The following GALNT13 variants were observed in gnomAD, a reference collection of about 807,000 sequenced individuals.
GALNT13 encodes the protein polypeptide N-acetylgalactosaminyltransferase 13.
GALNT13 carries 28 observed loss-of-function variants against 64.2 expected under a neutral mutation model. The observed-to-expected ratio is 0.44, with a 90% confidence interval of 0.32 to 0.60. The LOEUF is 0.60. Ranked by LOEUF, GALNT13 falls within the 20% of genes least tolerant of loss-of-function variation. GALNT13 has a pLI of 0.05. For missense variants in GALNT13, 577 were observed against 669.8 expected, an observed-to-expected ratio of 0.86 and a Z score of 1.53; for synonymous variants, 214 against 224.6, an observed-to-expected ratio of 0.95 and a Z score of 0.42.
At chr2:154,192,514 A>G (rs1403658941) in intron 4 of GALNT13, among the ~76,000 whole-genome samples, 1 of 148,288 alleles carries the variant, frequency 6.7e-6, no homozygotes, top group Admixed American at 6.6e-5. Flanking sequence ...GGATTGAATG[A>G]CATATATATA....
intron 7 of GALNT13, among the ~76,000 whole-genome samples, chr2:154,255,873 A>G (rs1176460451): frequency 6.6e-6 from 1 of 151,942 alleles, no homozygotes; most frequent in Non-Finnish European, 1.5e-5. Flanking sequence ...GCAACATAGC[A>G]AAACTCTGTC....
At chr2:153,927,767 CA>C (rs1393936507) in intron 2 of GALNT13, among the ~76,000 whole-genome samples, 3 of 152,044 alleles carry the variant, frequency 2.0e-5, no homozygotes, top group African/African-American at 7.2e-5. Context: ...AGGAAGTTTG[CA>C]GGAAAAAAAC....
intron 8 of GALNT13, among the ~76,000 whole-genome samples, chr2:154,300,916 G>A (rs1693405872): frequency 6.6e-6 from 1 of 152,146 alleles, no homozygotes; most frequent in African/African-American, 2.4e-5. Flanking sequence ...TAGACCTTGA[G>A]CACCTATAAA....
chr2:153,786,359 C>T, the GALNT13 span, among the ~76,000 whole-genome samples: 2 of 152,098 alleles, frequency 1.3e-5, no homozygotes, highest in Non-Finnish European at 2.9e-5. Flanking sequence ...GGAGTCCAGC[C>T]CCTCTTCGCC....
chr2:153,511,345 T>A, the GALNT13 span, among the ~76,000 whole-genome samples: 1 of 151,698 alleles, frequency 6.6e-6, no homozygotes, highest in South Asian at 2.1e-4. Context: ...TCCTATAGAT[T>A]AGGCGTGATT....
At chr2:153,626,507 C>T in the GALNT13 span, among the ~76,000 whole-genome samples, 1 of 152,108 alleles carries the variant, frequency 6.6e-6, no homozygotes, top group Non-Finnish European at 1.5e-5. Flanking sequence ...CTCAATTAAA[C>T]ATTTCTTCTC....
At chr2:154,365,784 A>T (rs1231335140) in intron 9 of GALNT13, among the ~76,000 whole-genome samples, 2 of 152,222 alleles carry the variant, frequency 1.3e-5, no homozygotes, top group African/African-American at 2.4e-5. Flanking sequence ...AACAAGTCTT[A>T]CTTACTGCAT....
chr2:154,442,481 A>T (rs1304949746), intron 12 of GALNT13, among the ~76,000 whole-genome samples: 2 of 152,126 alleles, frequency 1.3e-5, no homozygotes, highest in East Asian at 3.8e-4. Context: ...GGGCATCATT[A>T]GCAAAATTGT....
the GALNT13 span, among the ~76,000 whole-genome samples, chr2:153,293,285 C>T: frequency 6.6e-6 from 1 of 152,036 alleles, no homozygotes; most frequent in African/African-American, 2.4e-5. Context: ...TGAGAGCTTA[C>T]CTTGTAATAA....
chr2:153,659,198 A>T, the GALNT13 span, among the ~76,000 whole-genome samples: 1 of 152,142 alleles, frequency 6.6e-6, no homozygotes, highest in African/African-American at 2.4e-5. Context: ...CATTTATAGA[A>T]GTATTAATAT....
chr2:153,559,399 G>A, the GALNT13 span, among the ~76,000 whole-genome samples: 1 of 152,032 alleles, frequency 6.6e-6, no homozygotes, highest in East Asian at 1.9e-4. Context: ...GTAGTCTGTC[G>A]AATGTCAGTA....
At chr2:154,329,355 G>A (rs1695046258) in intron 9 of GALNT13, among the ~76,000 whole-genome samples, 1 of 152,118 alleles carries the variant, frequency 6.6e-6, no homozygotes, top group Non-Finnish European at 1.5e-5. Flanking sequence ...TACCCGCCTC[G>A]GCCTCCCAAA....
At chr2:154,401,170 T>C (rs1440826850) in intron 10 of GALNT13, among the ~76,000 whole-genome samples, 2 of 152,162 alleles carry the variant, frequency 1.3e-5, no homozygotes, top group Admixed American at 6.5e-5. Context: ...ATATTGGTAT[T>C]GTATGCCTTA....
intron 3 of GALNT13, among the ~76,000 whole-genome samples, chr2:154,029,867 A>G (rs542372217): frequency 1.3e-5 from 2 of 152,284 alleles, no homozygotes; most frequent in South Asian, 4.1e-4. Flanking sequence ...CATAAGAAAG[A>G]GTCAGATGGA....
intron 12 of GALNT13, among the ~76,000 whole-genome samples, chr2:154,439,463 T>TA (rs1383962487): frequency 1.3e-5 from 2 of 150,272 alleles, no homozygotes; most frequent in African/African-American, 2.5e-5. Flanking sequence ...TTGTCTGTGT[T>TA]ACATTTCCCA....
chr2:153,173,544 A>G, the GALNT13 span, among the ~76,000 whole-genome samples: 1 of 151,898 alleles, frequency 6.6e-6, no homozygotes, highest in South Asian at 2.1e-4. Flanking sequence ...TTTAACTTTA[A>G]AGTTAAAGAC....
chr2:153,076,784 C>T, the GALNT13 span, among the ~76,000 whole-genome samples: 1 of 152,160 alleles, frequency 6.6e-6, no homozygotes. Context: ...CTCTATTTTG[C>T]TGGCTTGTGT....
chr2:153,471,441 G>A, the GALNT13 span, among the ~76,000 whole-genome samples: 1 of 150,016 alleles, frequency 6.7e-6, no homozygotes, highest in Non-Finnish European at 1.5e-5. Flanking sequence ...ACAGAGAAGA[G>A]AAATAGAGAA....
intron 11 of GALNT13, among the ~76,000 whole-genome samples, chr2:154,432,032 A>G (rs1022855179): frequency 6.6e-6 from 1 of 152,208 alleles, no homozygotes; most frequent in African/African-American, 2.4e-5. Context: ...AAATACAGAG[A>G]TTAAAAGGAA....
Sources: gnomAD v4.1 joint callset for allele counts (sites outside exome capture counted in the v4.1 genomes callset) on GRCh38, gnomAD v4.1.1 for gene constraint, MANE v1.5 for transcripts, NCBI Gene and HGNC (gene_info 2026-07-23, HGNC 2026-07-21) for gene names.